Variants in EFNA5 observed in about 807,000 individuals in gnomAD.
EFNA5 encodes the protein ephrin A5, also known as ephrin-A5.
In EFNA5, 5 loss-of-function variants were observed where a neutral mutation model predicts 22.9. That is an observed-to-expected ratio of 0.22 (90% CI 0.11 to 0.46). The LOEUF (loss-of-function observed/expected upper bound fraction) is 0.46. Ranked by LOEUF, EFNA5 falls within the 20% of genes least tolerant of loss-of-function variation. The probability of loss-of-function intolerance (pLI) is 0.99; values close to 1 mark genes in which losing one functional copy is unlikely to be tolerated. For missense variants in EFNA5, 237 were observed against 293.3 expected (o/e 0.81, Z 1.40); for synonymous variants, 113 against 112.2 (o/e 1.01, Z -0.04).
chr5:107,557,063 A>C (rs535307773), intron 1 of EFNA5, among the ~76,000 whole-genome samples: 7 of 152,232 alleles, frequency 4.6e-5, no homozygotes, highest in Admixed American at 6.5e-5. Flanking sequence ...CCAAACCTTA[A>C]GGCTCCTGTT....
At chr5:107,388,972 C>T (rs1747714450) in intron 2 of EFNA5, among the ~76,000 whole-genome samples, 1 of 152,132 alleles carries the variant, frequency 6.6e-6, no homozygotes, top group Non-Finnish European at 1.5e-5. Context: ...TTTACACAGT[C>T]TCCTTATGTA....
intron 1 of EFNA5, among the ~76,000 whole-genome samples, chr5:107,658,485 T>G (rs1203828259): frequency 6.6e-6 from 1 of 152,198 alleles, no homozygotes; most frequent in Non-Finnish European, 1.5e-5. Context: ...ATCTGTTTTA[T>G]TTGTCTGAGT....
rs559720221 is a variant in EFNA5, at chr5:107,663,743, G to A, written c.125+6746C>T. On this transcript the variant is annotated intron_variant, in intron 1 of 4. Transcript: ENST00000333274. ...CTGACCCTCCCTAAAGCAACTGGAA[G>A]ATCAATTCTGATATGCATATAAAAA... Among the ~76,000 whole-genome samples, 25 of 152,162 alleles carry A rather than the reference G, an allele frequency of 1.6e-4. 1 individual carries two copies. The South Asian group carries it at 5.2e-3, about 32-fold the overall frequency.
At chr5:107,542,027 A>C (rs915444019) in intron 1 of EFNA5, among the ~76,000 whole-genome samples, 2 of 152,210 alleles carry the variant, frequency 1.3e-5, no homozygotes, top group Non-Finnish European at 2.9e-5. Context: ...TTTAACACTG[A>C]AAATTCTGAA....
Position 107,643,440 on chromosome 5 carries a change from C to T in EFNA5, c.125+27049G>A, listed in dbSNP as rs576353735. Among the ~76,000 whole-genome samples, 18 of 152,226 alleles carry T rather than the reference C, an allele frequency of 1.2e-4. No homozygotes were observed. The South Asian group carries it at 3.5e-3, about 30-fold the overall frequency. ...TTGATTGCTTCCTGATCATTCAGGC[C>T]CGTGGACACCCTGCTTCAGTGATCT... On this transcript the variant is annotated intron_variant, in intron 1 of 4. Transcript: ENST00000333274.
At chr5:107,550,536 C>G (rs1267850349) in intron 1 of EFNA5, among the ~76,000 whole-genome samples, 25 of 152,264 alleles carry the variant, frequency 1.6e-4, no homozygotes, top group Non-Finnish European at 2.9e-5. Context: ...AAAACACATA[C>G]TTTGCAGTAT....
chr5:107,474,806 G>A (rs1413011539), intron 1 of EFNA5, among the ~76,000 whole-genome samples: 1 of 152,130 alleles, frequency 6.6e-6, no homozygotes, highest in Admixed American at 6.6e-5. Context: ...GCAAGAAGAA[G>A]CCCCGAAGAT....
rs1747711660 is a variant in EFNA5, at chr5:107,527,162, T to C, written c.126-99653A>G. 1.3e-5 allele frequency among the ~76,000 whole-genome samples: 2 copies of C among 152,244 alleles called. 1 individual carries two copies. The highest frequency in any genetic ancestry group is 1.3e-4 in the Admixed American group (2 of 15,286). ...TTAGCCAGAAAACCAAAACATCCCA[T>C]GTTCTTGTTTTGTTTCATGTATGAA... On this transcript the variant is annotated intron_variant, in intron 1 of 4. Transcript: ENST00000333274.
intron 1 of EFNA5, among the ~76,000 whole-genome samples, chr5:107,647,616 C>A (rs191844700): frequency 6.4e-4 from 98 of 152,160 alleles, no homozygotes; most frequent in African/African-American, 2.2e-3. Context: ...TATTAGATAA[C>A]AAGGAAATGA....
At chr5:107,643,245 C>T (rs765101135) in intron 1 of EFNA5, among the ~76,000 whole-genome samples, 25 of 152,256 alleles carry the variant, frequency 1.6e-4, no homozygotes, top group Non-Finnish European at 2.4e-4. Context: ...GGGGTCCCAT[C>T]ATAGGGGTTC....
intron 1 of EFNA5, among the ~76,000 whole-genome samples, chr5:107,563,394 A>G (rs1748589576): frequency 6.6e-6 from 1 of 151,920 alleles, no homozygotes; most frequent in Non-Finnish European, 1.5e-5. Flanking sequence ...AGTTCTTGGG[A>G]CACCTACTTT....
intron 1 of EFNA5, among the ~76,000 whole-genome samples, chr5:107,564,637 T>A (rs1440074901): frequency 6.9e-5 from 10 of 144,618 alleles, no homozygotes; most frequent in African/African-American, 2.5e-4. Context: ...TTTTGTTTTT[T>A]TTTTTTTTTT....
intron 1 of EFNA5, among the ~76,000 whole-genome samples, chr5:107,670,039 A>G (rs1358051708): frequency 1.3e-5 from 2 of 150,304 alleles, no homozygotes; most frequent in African/African-American, 2.4e-5. Context: ...TTAAAAAAAA[A>G]AAAAAAAAAA....
intron 1 of EFNA5, among the ~76,000 whole-genome samples, chr5:107,549,716 T>C (rs1649865693): frequency 6.6e-6 from 1 of 152,254 alleles, no homozygotes; most frequent in South Asian, 2.1e-4. Flanking sequence ...TGATGTAGGA[T>C]GCCTCTGCGT....
At chr5:107,622,780 A>C (rs578015110) in intron 1 of EFNA5, among the ~76,000 whole-genome samples, 3 of 151,180 alleles carry the variant, frequency 2.0e-5, no homozygotes, top group African/African-American at 7.3e-5. Context: ...CCAGCACTTT[A>C]GGAGGCCGAG....
chr5:107,503,126 G>C (rs1036078254), intron 1 of EFNA5, among the ~76,000 whole-genome samples: 8 of 152,148 alleles, frequency 5.3e-5, no homozygotes, highest in Non-Finnish European at 7.3e-5. Flanking sequence ...TTTCAGCTGT[G>C]AACTCCACTG....
At chr5:107,632,161 C>T (rs1227151528) in intron 1 of EFNA5, among the ~76,000 whole-genome samples, 1 of 152,166 alleles carries the variant, frequency 6.6e-6, no homozygotes, top group Non-Finnish European at 1.5e-5. Flanking sequence ...GTCTCCTTTC[C>T]TTTCTCTCTT....
At chr5:107,500,085 C>T (rs1747096941) in intron 1 of EFNA5, among the ~76,000 whole-genome samples, 1 of 152,202 alleles carries the variant, frequency 6.6e-6, no homozygotes, top group South Asian at 2.1e-4. Flanking sequence ...TCAGTTGTAG[C>T]TTTTCTATTC....
chr5:107,468,074 A>G (rs536816270), intron 1 of EFNA5, among the ~76,000 whole-genome samples: 1 of 152,336 alleles, frequency 6.6e-6, no homozygotes, highest in East Asian at 1.9e-4. Flanking sequence ...GGTAGAACGG[A>G]TAGCATACAA....
Sources: gnomAD v4.1 joint callset for allele counts (sites outside exome capture counted in the v4.1 genomes callset) on GRCh38, gnomAD v4.1.1 for gene constraint, MANE v1.5 for transcripts, NCBI Gene and HGNC (gene_info 2026-07-23, HGNC 2026-07-21) for gene names.